FSTL4: variants seen among roughly 807,000 people sequenced by gnomAD.
FSTL4 encodes the protein follistatin like 4.
In FSTL4, 28 loss-of-function variants were observed where a neutral mutation model predicts 78.2. That is an observed-to-expected ratio of 0.36 (90% CI 0.27 to 0.49). The LOEUF is 0.49. Ranked by LOEUF, FSTL4 falls within the 20% of genes least tolerant of loss-of-function variation. FSTL4 has a pLI of 0.98. For synonymous variants in FSTL4, 422 were observed against 440.5 expected (o/e 0.96, Z 0.53); for missense variants, 922 against 1,084.9 (o/e 0.85, Z 2.11).
chr5:133,214,815 AAGAGAAGAATTGTGGG>A (rs764008233), intron 13 of FSTL4, among the ~76,000 whole-genome samples: 1 of 152,220 alleles, frequency 6.6e-6, no homozygotes, highest in Non-Finnish European at 1.5e-5. Flanking sequence ...GCAGGAGAGA[AAGAGAAGAATTGTGGG>A]AGTAGTTATT....
At chr5:133,389,768 A>C (rs1301615419) in intron 4 of FSTL4, among the ~76,000 whole-genome samples, 2 of 152,200 alleles carry the variant, frequency 1.3e-5, no homozygotes, top group Non-Finnish European at 2.9e-5. Flanking sequence ...GGTCTGTACA[A>C]GCTCCACCTG....
intron 6 of FSTL4, among the ~76,000 whole-genome samples, chr5:133,262,180 A>G (rs151219975): frequency 1.3e-5 from 2 of 152,140 alleles, no homozygotes. Context: ...GCCTTGAGAT[A>G]AGCAATGCTG....
At chr5:133,273,666 C>A (rs943869433) in intron 6 of FSTL4, among the ~76,000 whole-genome samples, 1 of 152,206 alleles carries the variant, frequency 6.6e-6, no homozygotes, top group Non-Finnish European at 1.5e-5. Context: ...CCAGCAGGCC[C>A]CAGGCTGGTG....
At chr5:133,681,480 G>A in the FSTL4 span, among the ~76,000 whole-genome samples, 62,279 of 151,958 alleles carry the variant, frequency 0.41, 15,044 homozygotes, top group African/African-American at 0.69. Context: ...TCCTAGATAC[G>A]TTAATATATT....
At chr5:133,385,555 A>G (rs79406656) in intron 4 of FSTL4, among the ~76,000 whole-genome samples, 43,331 of 152,072 alleles carry the variant, frequency 0.28, 6,625 homozygotes, top group East Asian at 0.59. Context: ...GGCTGAGTCC[A>G]CTGGCAGCAA....
the FSTL4 span, among the ~76,000 whole-genome samples, chr5:133,672,416 T>G: frequency 6.6e-6 from 1 of 152,212 alleles, no homozygotes; most frequent in Non-Finnish European, 1.5e-5. Flanking sequence ...CGATTTGGGA[T>G]GATCACTGCA....
chr5:133,201,111 C>T (rs1040822626), intron 15 of FSTL4, among the ~76,000 whole-genome samples: 2 of 152,172 alleles, frequency 1.3e-5, no homozygotes, highest in Non-Finnish European at 2.9e-5. Context: ...CTTGCAAAAA[C>T]GAATCATTTC....
chr5:133,502,774 A>G (rs1194746841), intron 3 of FSTL4, among the ~76,000 whole-genome samples: 5 of 152,178 alleles, frequency 3.3e-5, no homozygotes, highest in Non-Finnish European at 7.3e-5. Context: ...TAGAGCCTGC[A>G]GAACCATGAG....
chr5:133,697,496 C>G, the FSTL4 span, among the ~76,000 whole-genome samples: 2 of 152,222 alleles, frequency 1.3e-5, no homozygotes, highest in Admixed American at 6.5e-5. Flanking sequence ...GTCTCTACCC[C>G]ACCTTCTCCA....
At chr5:133,538,587 A>G (rs1175156912) in intron 3 of FSTL4, among the ~76,000 whole-genome samples, 1 of 151,138 alleles carries the variant, frequency 6.6e-6, no homozygotes, top group East Asian at 1.9e-4. Context: ...CTTTCCTTCT[A>G]TATTTCTTAT....
At chr5:133,222,328 G>A (rs951028446) in intron 11 of FSTL4, among the ~76,000 whole-genome samples, 1 of 152,096 alleles carries the variant, frequency 6.6e-6, no homozygotes, top group Admixed American at 6.5e-5. Flanking sequence ...CTCAGCTCCC[G>A]CCAAGAGTCA....
intron 3 of FSTL4, among the ~76,000 whole-genome samples, chr5:133,451,793 C>T (rs1162924707): frequency 6.6e-6 from 1 of 152,158 alleles, no homozygotes; most frequent in Non-Finnish European, 1.5e-5. Flanking sequence ...GAGAAGGAAA[C>T]AGAATTGTTC....
chr5:133,515,674 C>G (rs1006167683), intron 3 of FSTL4, among the ~76,000 whole-genome samples: 2 of 147,202 alleles, frequency 1.4e-5, no homozygotes, highest in African/African-American at 5.3e-5. Flanking sequence ...CAAATATCAC[C>G]TGCTTTTTTT....
In FSTL4 at chr5:133,603,886, T is replaced by A; in HGVS notation, c.98A>T (p.Asp33Val). 6.2e-7 allele frequency: 1 copy of A among 1,614,110 alleles called. No homozygotes were observed. The highest frequency in any genetic ancestry group is 8.5e-7 in the Non-Finnish European group (1 of 1,179,978). ...TGCCTGTGACTCCCCCACACCCACA[T>A]CCGGGCCTCTGCTGGTTCCTGGGTC... Reference protein sequence around the residue: ...WMDPGTSRGPDVGVGESQAEE... With the variant: ...WMDPGTSRGPVVGVGESQAEE... The change falls in exon 2 of 16, where the codon GAT becomes GTT. Residue 33 changes from aspartate (D) to valine (V), a missense_variant. By Grantham distance (152) the Asp-to-Val change is radical (BLOSUM62 -3). Transcript: ENST00000265342.
the FSTL4 span, among the ~76,000 whole-genome samples, chr5:133,830,594 C>T: frequency 8.5e-5 from 13 of 152,280 alleles, no homozygotes; most frequent in Middle Eastern, 6.8e-3. Flanking sequence ...CAGAGACCAT[C>T]GGGACAGAAA....
chr5:133,240,182 A>G (rs1014917295), intron 7 of FSTL4, among the ~76,000 whole-genome samples: 2 of 152,146 alleles, frequency 1.3e-5, no homozygotes, highest in Admixed American at 1.3e-4. Context: ...AACGCATCCG[A>G]GCATCAGAAG....
intron 4 of FSTL4, among the ~76,000 whole-genome samples, chr5:133,347,758 A>G (rs1203711072): frequency 3.3e-5 from 5 of 152,218 alleles, no homozygotes; most frequent in African/African-American, 1.2e-4. Flanking sequence ...AAAAACAAAA[A>G]CAAACAAAAC....
chr5:133,514,653 C>T (rs535913988), intron 3 of FSTL4, among the ~76,000 whole-genome samples: 37 of 152,026 alleles, frequency 2.4e-4, no homozygotes, highest in Middle Eastern at 3.2e-3. Flanking sequence ...TCATCATGTT[C>T]CAGAAGAAAA....
At chr5:133,683,022 C>A in the FSTL4 span, among the ~76,000 whole-genome samples, 1 of 152,188 alleles carries the variant, frequency 6.6e-6, no homozygotes. Context: ...TTTATTTAGC[C>A]TTTGGGATGT....
Sources: gnomAD v4.1 joint callset for allele counts (sites outside exome capture counted in the v4.1 genomes callset) on GRCh38, gnomAD v4.1.1 for gene constraint, MANE v1.5 for transcripts, NCBI Gene and HGNC (gene_info 2026-07-23, HGNC 2026-07-21) for gene names.